PCDHGA1: variants seen among roughly 807,000 people sequenced by gnomAD.
PCDHGA1 encodes the protein protocadherin gamma-A1.
Under a neutral mutation model 58.0 loss-of-function variants are expected in PCDHGA1, and 32 were observed. That is an observed-to-expected ratio of 0.55 (90% CI 0.42 to 0.74). PCDHGA1 has a LOEUF of 0.74. Ranked by LOEUF, PCDHGA1 falls within the 30% of genes least tolerant of loss-of-function variation. The probability of loss-of-function intolerance (pLI) is 0.00; values close to 1 mark genes in which losing one functional copy is unlikely to be tolerated. For missense variants in PCDHGA1, 1,205 were observed against 1,182.3 expected, an observed-to-expected ratio of 1.02 and a Z score of -0.28; for synonymous variants, 498 against 501.1, an observed-to-expected ratio of 0.99 and a Z score of 0.08.
At chr5:141,372,128 G>C in intron 1 of PCDHGA1, 1 of 1,613,702 alleles carries the variant, frequency 6.2e-7, no homozygotes, top group Non-Finnish European at 8.5e-7. Context: ...TCGATATGGT[G>C]CCGCGCTCTG....
chr5:141,357,223 T>A (rs1760512716), intron 1 of PCDHGA1: 1 of 1,613,834 alleles, frequency 6.2e-7, no homozygotes, highest in Non-Finnish European at 8.5e-7. Flanking sequence ...CCTGGCTGAC[T>A]TGGGCAGCCT....
intron 1 of PCDHGA1, chr5:141,352,488 C>A: frequency 6.2e-7 from 1 of 1,614,022 alleles, no homozygotes; most frequent in East Asian, 2.2e-5. Context: ...AGCGAGGGGA[C>A]TTTGCCCTAT....
At position 141,463,438 on chromosome 5, in the gene PCDHGA1, C is replaced by CTTTTT. The variant is rs71576115; in HGVS notation, c.2422-31345_2422-31341dup. On this transcript the variant is annotated intron_variant, in intron 1 of 3. Coordinates refer to ENST00000517417, the MANE Select transcript of PCDHGA1 (RefSeq NM_018912.3). ...GTTTGCGGATCCTCATTTCCTTCTC[C>CTTTTT]TTTTTTTTTTTTTTTTTTTTTTTTT... is the stretch of plus-strand genomic sequence containing the variant. 3.0e-4 allele frequency among the ~76,000 whole-genome samples: 31 copies of CTTTTT among 103,252 alleles called. 1 individual carries two copies. Among genetic ancestry groups the CTTTTT allele is most frequent in the African/African-American group, 1.2e-3 (26 of 22,402 alleles). The allele number at this position is 103,252 out of a possible 152,430, so 67.7% of individuals were successfully genotyped here.
chr5:141,382,567 T>G (rs1778294618), intron 1 of PCDHGA1, among the ~76,000 whole-genome samples: 1 of 152,132 alleles, frequency 6.6e-6, no homozygotes, highest in African/African-American at 2.4e-5. Context: ...AGCAAAGAAA[T>G]CTAACAGGGA....
chr5:141,351,648 C>T, intron 1 of PCDHGA1: 1 of 1,614,042 alleles, frequency 6.2e-7, no homozygotes, highest in South Asian at 1.1e-5. Flanking sequence ...AACAACCCAC[C>T]TGGCGCCTCC....
intron 1 of PCDHGA1, chr5:141,479,660 A>G (rs1206947602): frequency 6.6e-6 from 1 of 152,266 alleles, no homozygotes; most frequent in African/African-American, 2.4e-5. Flanking sequence ...ACAATCCCAG[A>G]AACTACAAAA....
At chr5:141,473,375 T>C (rs1433212994) in intron 1 of PCDHGA1, among the ~76,000 whole-genome samples, 1 of 152,192 alleles carries the variant, frequency 6.6e-6, no homozygotes, top group African/African-American at 2.4e-5. Flanking sequence ...AATAGCATGG[T>C]CCCTGCCCTC....
intron 1 of PCDHGA1, among the ~76,000 whole-genome samples, chr5:141,435,833 A>G (rs1354866725): frequency 6.6e-6 from 1 of 152,112 alleles, no homozygotes; most frequent in Non-Finnish European, 1.5e-5. Flanking sequence ...TTTGCTGCCT[A>G]TCTACTTTGA....
At chr5:141,362,105 C>T (rs772642653) in intron 1 of PCDHGA1, 18 of 1,613,930 alleles carry the variant, frequency 1.1e-5, no homozygotes, top group Admixed American at 8.3e-5. Context: ...CTCTCCGCTA[C>T]GGCCACGCTG....
intron 1 of PCDHGA1, chr5:141,364,242 G>C (rs192201180): frequency 2.1e-6 from 3 of 1,451,222 alleles, no homozygotes; most frequent in East Asian, 2.4e-5. Context: ...GCCCATTTTC[G>C]TCAGGGAATA....
At chr5:141,390,348 A>G in intron 1 of PCDHGA1, 1 of 1,572,378 alleles carries the variant, frequency 6.4e-7, no homozygotes, top group Middle Eastern at 1.7e-4. Flanking sequence ...ACAAGAAAAT[A>G]TACATATTTG....
intron 1 of PCDHGA1, among the ~76,000 whole-genome samples, chr5:141,455,803 A>G (rs1197986124): frequency 6.6e-6 from 1 of 152,068 alleles, no homozygotes; most frequent in Non-Finnish European, 1.5e-5. Context: ...TGCTTTAAAA[A>G]ATGAAAACTT....
In PCDHGA1 at chr5:141,432,198, AC is replaced by A. The variant is rs1345236539; in HGVS notation, c.2422-62608del. ...GTCTCTGTGACCGCCCACGACCCCG[AC>A]TGTGAAGAGAACGCCCAGATCACTT... is the stretch of plus-strand genomic sequence containing the variant. On this transcript the variant is annotated intron_variant, in intron 1 of 3. Coordinates refer to ENST00000517417, the MANE Select transcript of PCDHGA1 (RefSeq NM_018912.3). This position sits in a 1 kb window ranked among gnomAD's most constrained non-coding sequence, Gnocchi z 6.0. 6 of 1,613,998 alleles carry A rather than the reference AC, an allele frequency of 3.7e-6. No homozygotes were observed. Among genetic ancestry groups the A allele is most frequent in the Non-Finnish European group, 4.2e-6 (5 of 1,180,030 alleles).
intron 1 of PCDHGA1, chr5:141,400,092 G>A (rs2093959231): frequency 6.2e-7 from 1 of 1,613,942 alleles, no homozygotes; most frequent in South Asian, 1.1e-5. Context: ...CCACCGCCAC[G>A]CTGCACTTGG....
At chr5:141,405,491 C>T (rs1399017717) in intron 1 of PCDHGA1, 1 of 858,762 alleles carries the variant, frequency 1.2e-6, no homozygotes, top group East Asian at 2.7e-5. Flanking sequence ...GTGATCTCGG[C>T]TCATTGCAAC....
At chr5:141,340,659 T>C in intron 1 of PCDHGA1, 1 of 1,614,196 alleles carries the variant, frequency 6.2e-7, no homozygotes, top group Non-Finnish European at 8.5e-7. Context: ...CCCGAGATCC[T>C]GTACCCTGCC....
chr5:141,352,473 A>G (rs772507861), intron 1 of PCDHGA1: 5 of 1,613,888 alleles, frequency 3.1e-6, no homozygotes, highest in East Asian at 2.2e-5. Context: ...GTTCCTCCCA[A>G]CCACAGCGAG....
At chr5:141,388,133 G>T (rs2091251188) in intron 1 of PCDHGA1, 3 of 1,450,776 alleles carry the variant, frequency 2.1e-6, no homozygotes. Flanking sequence ...AGAGCGGGGA[G>T]TTGCTTGTGA....
chr5:141,392,822 T>C (rs1234169256), intron 1 of PCDHGA1: 1 of 1,595,210 alleles, frequency 6.3e-7, no homozygotes, highest in East Asian at 2.2e-5. Context: ...CAATGGCCGC[T>C]CCACAGAGTC....
Sources: allele counts gnomAD v4.1 joint callset (sites outside exome capture counted in the v4.1 genomes callset), GRCh38; gene constraint gnomAD v4.1.1; non-coding constraint Gnocchi (gnomAD v3.1); transcripts MANE v1.5; gene names NCBI Gene and HGNC (gene_info 2026-07-23, HGNC 2026-07-21).